The following ADAM23 variants were observed in gnomAD, a reference collection of about 807,000 sequenced individuals.
ADAM23 encodes disintegrin and metalloproteinase domain-containing protein 23.
A neutral mutation model predicts 120.1 loss-of-function variants in ADAM23; 33 were observed. That is an observed-to-expected ratio of 0.27 (90% CI 0.21 to 0.37). The LOEUF (loss-of-function observed/expected upper bound fraction) is 0.37, where lower values mean the gene tolerates loss of function less well. Among genes scored for constraint, ADAM23 ranks in the 10% least tolerant of loss-of-function variants. The pLI is 1.00. For missense variants in ADAM23, 862 were observed against 1,058.2 expected (o/e 0.81, Z 2.57); for synonymous variants, 367 against 375.2 (o/e 0.98, Z 0.25).
At chr2:206,551,134 T>C (rs1380624017) in intron 9 of ADAM23, among the ~76,000 whole-genome samples, 3 of 152,228 alleles carry the variant, frequency 2.0e-5, no homozygotes, top group African/African-American at 7.2e-5. Context: ...GTAGGCTATA[T>C]ACTAGTACAC....
intron 3 of ADAM23, among the ~76,000 whole-genome samples, chr2:206,530,074 G>A (rs187031649): frequency 2.6e-5 from 4 of 152,290 alleles, no homozygotes; most frequent in Admixed American, 2.6e-4. Context: ...CTCCCAGAGT[G>A]CTGGGATTAC....
chr2:206,545,155 G>A (rs920722259), intron 6 of ADAM23, among the ~76,000 whole-genome samples: 2 of 152,142 alleles, frequency 1.3e-5, no homozygotes, highest in African/African-American at 2.4e-5. Context: ...TATTTGATGG[G>A]GAACAGAAAA....
intron 24 of ADAM23, chr2:206,606,607 G>A (rs567263811): frequency 2.6e-5 from 4 of 152,294 alleles, no homozygotes; most frequent in Admixed American, 6.5e-5. Context: ...AATATATTGT[G>A]TGCCACTTGC....
chr2:206,481,691 A>T (rs1028517623), intron 3 of ADAM23, among the ~76,000 whole-genome samples: 10 of 152,200 alleles, frequency 6.6e-5, no homozygotes, highest in African/African-American at 2.2e-4. Context: ...AATTCGCATG[A>T]CTTCTGTGGG....
chr2:206,519,694 C>A (rs553837471), intron 3 of ADAM23, among the ~76,000 whole-genome samples: 23 of 152,164 alleles, frequency 1.5e-4, no homozygotes, highest in African/African-American at 5.1e-4. Flanking sequence ...TACATTGTGA[C>A]AATTACTTAA....
chr2:206,522,155 A>G (rs1696857008), intron 3 of ADAM23, among the ~76,000 whole-genome samples: 1 of 151,846 alleles, frequency 6.6e-6, no homozygotes, highest in Admixed American at 6.6e-5. Flanking sequence ...TCATATATAT[A>G]TATCTCTGTG....
intron 4 of ADAM23, among the ~76,000 whole-genome samples, chr2:206,537,568 T>C (rs1697203628): frequency 6.6e-6 from 1 of 152,194 alleles, no homozygotes; most frequent in Non-Finnish European, 1.5e-5. Flanking sequence ...TTCCTTTATT[T>C]TTCTCATTCC....
chr2:206,463,366 A>G (rs1011550195), intron 2 of ADAM23, among the ~76,000 whole-genome samples: 1 of 152,196 alleles, frequency 6.6e-6, no homozygotes, highest in African/African-American at 2.4e-5. Flanking sequence ...GACAGCCTTT[A>G]GAAGGTGGAA....
At chr2:206,471,216 A>G (rs1370718819) in intron 2 of ADAM23, among the ~76,000 whole-genome samples, 1 of 152,210 alleles carries the variant, frequency 6.6e-6, no homozygotes, top group Non-Finnish European at 1.5e-5. Flanking sequence ...ACTCTATATC[A>G]TTTATGGTTT....
chr2:206,514,355 C>G (rs1422764671), intron 3 of ADAM23, among the ~76,000 whole-genome samples: 4 of 152,102 alleles, frequency 2.6e-5, no homozygotes, highest in African/African-American at 9.7e-5. Context: ...TTTCAACCGT[C>G]ATGGATGACT....
chr2:206,617,942 A>G lies in ADAM23; in HGVS notation c.*315A>G, dbSNP rs1284978957. ...CACACACACAAAAATTAAATGCAAT[A>G]AAGGAATCATTAAAAAAAATAGTAA... On this transcript the variant is annotated 3_prime_UTR_variant, in exon 26 of 26. Coordinates refer to ENST00000264377, the MANE Select transcript of ADAM23 (RefSeq NM_003812.4). 7.5e-6 allele frequency: 2 copies of G among 267,974 alleles called. No individual in the cohort carries two copies. The highest frequency in any genetic ancestry group is 5.4e-5 in the Admixed American group (1 of 18,486). The allele number at this position is 267,974 out of a possible 1,614,324, so 16.6% of individuals were successfully genotyped here.
At chr2:206,581,672 C>T (rs1698221078) in intron 18 of ADAM23, among the ~76,000 whole-genome samples, 1 of 152,154 alleles carries the variant, frequency 6.6e-6, no homozygotes, top group South Asian at 2.1e-4. Context: ...GTTCCATGCA[C>T]TGTTGAATAG....
In ADAM23 at chr2:206,443,971, C is replaced by G. The variant is rs1468928402; in HGVS notation, c.105C>G (p.Ala35=). The G allele has an allele frequency of 3.7e-6, 5 of 1,347,734 alleles. No homozygotes were observed. The highest frequency in any genetic ancestry group is 1.5e-5 in the African/African-American group (1 of 66,180). The allele number at this position is 1,347,734 out of a possible 1,614,324, so 83.5% of individuals were successfully genotyped here. Residue 35 remains alanine (A), a synonymous_variant, in exon 1 of 26, where the codon GCC becomes GCG. Transcript: ENST00000264377. ...GCGGCCCCGCCGGCTCGGTGCCTGCCAGCGCCCCGGCCCGCACGCCGCCCT... is the reference window on the plus strand; with the variant it reads ...GCGGCCCCGCCGGCTCGGTGCCTGCGAGCGCCCCGGCCCGCACGCCGCCCT... ...PQRGPAGSVP[A]SAPARTPPCR...
At chr2:206,449,303 G>A (rs1695144187) in intron 2 of ADAM23, among the ~76,000 whole-genome samples, 1 of 152,176 alleles carries the variant, frequency 6.6e-6, no homozygotes, top group Non-Finnish European at 1.5e-5. Flanking sequence ...GGAATTGTAT[G>A]ATTACTAAAT....
chr2:206,588,020 G>C (rs1188172607), intron 19 of ADAM23, 71 bp from the exon 20 acceptor site: 2 of 1,504,752 alleles, frequency 1.3e-6, no homozygotes, highest in Admixed American at 3.4e-5. Context: ...ACCAGAAGGA[G>C]ACATTGTAGT....
At chr2:206,470,331 A>C in intron 2 of ADAM23, among the ~76,000 whole-genome samples, 1 of 152,150 alleles carries the variant, frequency 6.6e-6, no homozygotes, top group Non-Finnish European at 1.5e-5. Context: ...TGGAGTTTTA[A>C]TAGGCCTAAA....
At chr2:206,599,717 ACTCTT>A (rs1698600151) in intron 24 of ADAM23, among the ~76,000 whole-genome samples, 1 of 152,286 alleles carries the variant, frequency 6.6e-6, no homozygotes, top group South Asian at 2.1e-4. Context: ...TAAATATTAC[ACTCTT>A]CTCTTTTGAA....
intron 18 of ADAM23, among the ~76,000 whole-genome samples, chr2:206,580,547 C>T (rs890354693): frequency 6.6e-6 from 1 of 152,100 alleles, no homozygotes; most frequent in Non-Finnish European, 1.5e-5. Context: ...TAAACCATTC[C>T]TGCATCCCTG....
chr2:206,612,804 ATG>A (rs1237862256), intron 25 of ADAM23, among the ~76,000 whole-genome samples: 2 of 152,178 alleles, frequency 1.3e-5, no homozygotes, highest in African/African-American at 4.8e-5. Flanking sequence ...ATGTATGTGA[ATG>A]TGTGCACATT....
Sources: allele counts gnomAD v4.1 joint callset (sites outside exome capture counted in the v4.1 genomes callset), GRCh38; gene constraint gnomAD v4.1.1; transcripts MANE v1.5; gene names NCBI Gene and HGNC (gene_info 2026-07-23, HGNC 2026-07-21).